The following NEK10 variants were observed in gnomAD, a reference collection of about 807,000 sequenced individuals.
The protein encoded by NEK10 is serine/threonine-protein kinase Nek10.
A neutral mutation model predicts 159.8 loss-of-function variants in NEK10; 122 were observed. That is an observed-to-expected ratio of 0.76 (90% CI 0.66 to 0.89). The LOEUF (loss-of-function observed/expected upper bound fraction) is 0.89, where lower values mean the gene tolerates loss of function less well. Among genes scored for constraint, NEK10 ranks in the 40% least tolerant of loss-of-function variants. The pLI, the probability that NEK10 is intolerant of heterozygous loss-of-function variation, is 0.00. For synonymous variants in NEK10, 466 were observed against 457.1 expected, an observed-to-expected ratio of 1.02 and a Z score of -0.25; for missense variants, 1,342 against 1,323.1, an observed-to-expected ratio of 1.01 and a Z score of -0.22.
At chr3:27,317,506 T>C (rs959987289) in intron 6 of NEK10, among the ~76,000 whole-genome samples, 41 of 152,318 alleles carry the variant, frequency 2.7e-4, no homozygotes, top group Non-Finnish European at 1.6e-4. Context: ...CTGTGAACAA[T>C]GTCCTTCCTA....
intron 3 of NEK10, among the ~76,000 whole-genome samples, chr3:27,347,101 T>TATAAC (rs2047607180): frequency 6.6e-6 from 1 of 152,130 alleles, no homozygotes. Flanking sequence ...GTAAGCAGAG[T>TATAAC]ATAACATAAC....
chr3:27,253,579 G>A (rs1955881838), intron 23 of NEK10, among the ~76,000 whole-genome samples: 2 of 152,102 alleles, frequency 1.3e-5, no homozygotes, highest in Non-Finnish European at 2.9e-5. Context: ...GCTGAATACA[G>A]AATAAATGCT....
At chr3:27,327,716 T>C (rs1366340429) in intron 5 of NEK10, among the ~76,000 whole-genome samples, 1 of 152,206 alleles carries the variant, frequency 6.6e-6, no homozygotes, top group African/African-American at 2.4e-5. Context: ...ATGTTGACTG[T>C]ATTTGTAGCA....
chr3:27,368,806 G>A (rs1380782239), intron 1 of NEK10, among the ~76,000 whole-genome samples: 3 of 152,106 alleles, frequency 2.0e-5, no homozygotes, highest in African/African-American at 4.8e-5. Flanking sequence ...CACCGAAGTA[G>A]GGCAGAAAAG....
At chr3:27,176,421 G>A (rs1355941297) in intron 26 of NEK10, among the ~76,000 whole-genome samples, 4 of 152,152 alleles carry the variant, frequency 2.6e-5, no homozygotes, top group East Asian at 1.9e-4. Context: ...TGCTTTGGCC[G>A]CTCTCTGGCA....
chr3:27,116,196 A>T, intron 33 of NEK10, 69 bp from the exon 34 acceptor site: 1 of 1,417,978 alleles, frequency 7.1e-7, no homozygotes, highest in Non-Finnish European at 9.9e-7. Context: ...TTTACTGGCA[A>T]TTATGACTTC....
chr3:27,301,164 G>A (rs2043793053), intron 13 of NEK10, among the ~76,000 whole-genome samples: 1 of 152,222 alleles, frequency 6.6e-6, no homozygotes, highest in African/African-American at 2.4e-5. Flanking sequence ...CAAACTGCAT[G>A]ACTGCTCAAG....
chr3:27,322,819 T>C (rs945719839), intron 5 of NEK10, among the ~76,000 whole-genome samples: 17 of 152,202 alleles, frequency 1.1e-4, no homozygotes, highest in African/African-American at 4.1e-4. Flanking sequence ...TTCTGAAAGA[T>C]ATACCATCAG....
intron 19 of NEK10, among the ~76,000 whole-genome samples, chr3:27,290,160 C>A (rs1053131423): frequency 1.3e-5 from 2 of 152,186 alleles, no homozygotes; most frequent in African/African-American, 4.8e-5. Flanking sequence ...GTATTCTGCT[C>A]ATGCCAATAC....
intron 35 of NEK10, 122 bp from the exon 36 acceptor site, chr3:27,111,442 T>C: frequency 6.8e-6 from 5 of 732,290 alleles, no homozygotes; most frequent in Non-Finnish European, 1.1e-5. Context: ...AAAAAGACGA[T>C]TATTTTTGTT....
chr3:27,139,469 T>G (rs555422710), intron 31 of NEK10, among the ~76,000 whole-genome samples: 1 of 152,134 alleles, frequency 6.6e-6, no homozygotes, highest in African/African-American at 2.4e-5. Flanking sequence ...TGACCCAGTA[T>G]GAAATAGGAA....
intron 23 of NEK10, among the ~76,000 whole-genome samples, chr3:27,221,459 C>T (rs1426784131): frequency 6.6e-6 from 1 of 152,168 alleles, no homozygotes; most frequent in Non-Finnish European, 1.5e-5. Context: ...TAAATAATAA[C>T]TATTGGCAAA....
chr3:27,193,707 G>T (rs759560518), intron 25 of NEK10, among the ~76,000 whole-genome samples: 12 of 145,288 alleles, frequency 8.3e-5, no homozygotes, highest in Non-Finnish European at 1.2e-4. Flanking sequence ...TATTTTTCCA[G>T]GCTCCATTAG....
At chr3:27,340,698 A>T (rs2047140795) in intron 5 of NEK10, among the ~76,000 whole-genome samples, 1 of 152,158 alleles carries the variant, frequency 6.6e-6, no homozygotes, top group Non-Finnish European at 1.5e-5. Flanking sequence ...ATTAAAAGAC[A>T]AAAAACTAAC....
chr3:27,247,550 A>AT (rs1255237708), intron 23 of NEK10, among the ~76,000 whole-genome samples: 1 of 151,184 alleles, frequency 6.6e-6, no homozygotes, highest in Non-Finnish European at 1.5e-5. Flanking sequence ...ATTTTATTTT[A>AT]TTTTTTTGAG....
At chr3:27,269,472 C>A (rs1340088963) in intron 22 of NEK10, among the ~76,000 whole-genome samples, 1 of 152,156 alleles carries the variant, frequency 6.6e-6, no homozygotes, top group Non-Finnish European at 1.5e-5. Context: ...CCTCCACCAG[C>A]AAAAAGATTA....
chr3:27,212,092 A>C (rs1034582826), intron 23 of NEK10, among the ~76,000 whole-genome samples: 19 of 152,172 alleles, frequency 1.2e-4, no homozygotes, highest in African/African-American at 1.2e-4. Context: ...TAAAGATTAC[A>C]TTTGTTTTTC....
chr3:27,327,455 C>T (rs1455061317), intron 5 of NEK10, among the ~76,000 whole-genome samples: 1 of 152,142 alleles, frequency 6.6e-6, no homozygotes, highest in Non-Finnish European at 1.5e-5. Flanking sequence ...CACCCCTGTC[C>T]GTGACCACCT....
intron 20 of NEK10, among the ~76,000 whole-genome samples, chr3:27,287,161 G>T (rs918356645): frequency 4.1e-5 from 6 of 147,758 alleles, no homozygotes; most frequent in African/African-American, 1.5e-4. Context: ...AAAAAGAGTG[G>T]CTGAGTTTAG....
Sources: allele counts gnomAD v4.1 joint callset (sites outside exome capture counted in the v4.1 genomes callset), GRCh38; gene constraint gnomAD v4.1.1; transcripts MANE v1.5; gene names NCBI Gene and HGNC (gene_info 2026-07-23, HGNC 2026-07-21).